TTC39B: variants seen among roughly 807,000 people sequenced by gnomAD.
The protein encoded by TTC39B is tetratricopeptide repeat domain 39B, also known as tetratricopeptide repeat protein 39B.
TTC39B carries 92 observed loss-of-function variants against 96.6 expected under a neutral mutation model. That is an observed-to-expected ratio of 0.95 (90% confidence interval 0.80 to 1.13). The LOEUF is 1.13. Among genes scored for constraint, TTC39B ranks in the 50% most tolerant of loss-of-function variants. TTC39B has a pLI of 0.00. For missense variants in TTC39B, 955 were observed against 809.3 expected (o/e 1.18, Z -2.18); for synonymous variants, 367 against 299.4 (o/e 1.23, Z -2.33).
intron 1 of TTC39B, among the ~76,000 whole-genome samples, chr9:15,279,054 T>C (rs976651355): frequency 1.3e-5 from 2 of 152,208 alleles, no homozygotes; most frequent in Admixed American, 1.3e-4. Context: ...ATAATACCAC[T>C]TAATTTACAG....
intron 1 of TTC39B, among the ~76,000 whole-genome samples, chr9:15,289,185 C>T (rs1824089325): frequency 6.6e-6 from 1 of 152,124 alleles, no homozygotes; most frequent in African/African-American, 2.4e-5. Flanking sequence ...GGACATTTAC[C>T]AGTGTTGGTA....
At chr9:15,254,086 G>A (rs1822662444) in intron 2 of TTC39B, among the ~76,000 whole-genome samples, 1 of 151,530 alleles carries the variant, frequency 6.6e-6, no homozygotes, top group Non-Finnish European at 1.5e-5. Flanking sequence ...CCTTAAAATA[G>A]CTTAATGCTT....
Position 15,169,944 on chromosome 9 carries a change from G to A in TTC39B, c.*2075C>T, listed in dbSNP as rs1817597170. 3 of 152,220 alleles carry A rather than the reference G, an allele frequency of 2.0e-5. No homozygotes were observed. The East Asian group carries it at 5.8e-4, about 29-fold the overall frequency. The allele number at this position is 152,220 out of a possible 1,614,324, so 9.4% of individuals were successfully genotyped here. On this transcript the variant is annotated 3_prime_UTR_variant, in exon 20 of 20. Coordinates refer to ENST00000512701, the Ensembl canonical transcript of TTC39B. ...GCAGCTTCTCACAGTAACAATGTAA[G>A]AATATATGCTCAGTATACCCACAGT...
chr9:15,192,467 T>C lies in TTC39B; in HGVS notation c.930+123A>G, dbSNP rs1818910708. On this transcript the variant is annotated intron_variant, in intron 9 of 19. Coordinates refer to ENST00000512701, the Ensembl canonical transcript of TTC39B. Reference sequence around the variant, plus strand: ...CACAATGCCAGAAAACTGATCCCACTCTAGCTGTTTGTCAACCAACCCAAG... The same window carrying C: ...CACAATGCCAGAAAACTGATCCCACCCTAGCTGTTTGTCAACCAACCCAAG... 5.8e-6 allele frequency: 4 copies of C among 688,004 alleles called. No individual in the cohort carries two copies. The South Asian group carries it at 7.5e-5, about 13-fold the overall frequency. The allele number at this position is 688,004 out of a possible 1,614,324, so 42.6% of individuals were successfully genotyped here.
At chr9:15,177,961 C>G in intron 17 of TTC39B, 147 bp from the exon 18 acceptor site, 1 of 469,026 alleles carries the variant, frequency 2.1e-6, no homozygotes, top group Non-Finnish European at 3.8e-6. Flanking sequence ...GCTCCGTCTC[C>G]CGGGTTCACG....
In TTC39B at chr9:15,192,608, G is replaced by T. The variant is rs374040434; in HGVS notation, c.912C>A (p.Gly304=). ...TCCTTACCAAATTAAAGGCCCCACT[G>T]CCAAGCTTGACACCCCCTTCAAACT... Residue 304 remains glycine, a synonymous_variant, in exon 9 of 20, where the codon GGC becomes GGA. Transcript: ENST00000512701. 2.7e-5 allele frequency: 43 copies of T among 1,613,856 alleles called. No homozygotes were observed. In the African/African-American group the frequency reaches 5.3e-4, roughly 20 times the overall value.
chr9:15,172,014 T>A, exon 20 of TTC39B: 3 of 1,609,306 alleles, frequency 1.9e-6, no homozygotes, highest in Non-Finnish European at 2.6e-6. Flanking sequence ...TCCTTCAAGT[T>A]CTGATCAATC....
rs560507880 is a variant in TTC39B at position 15,278,642 on chromosome 9, A to C, written c.241-10694T>G. 3.3e-3 allele frequency among the ~76,000 whole-genome samples: 505 copies of C among 152,362 alleles called. 2 individuals carry two copies. Among genetic ancestry groups the C allele is most frequent in the African/African-American group, 0.012 (481 of 41,588 alleles). ...CAAGAGACTGACTTTTAATATTTTA[A>C]TGTTTAATTTTAAAACCATCACCAG... is the stretch of plus-strand genomic sequence containing the variant. On this transcript the variant is annotated intron_variant, in intron 1 of 19. Transcript: ENST00000512701.
intron 1 of TTC39B, among the ~76,000 whole-genome samples, chr9:15,274,978 T>C (rs1823485091): frequency 6.6e-6 from 1 of 152,108 alleles, no homozygotes; most frequent in African/African-American, 2.4e-5. Context: ...GGTGTAGGAT[T>C]AATATAGTTC....
intron 5 of TTC39B, among the ~76,000 whole-genome samples, 163 bp from the exon 6 acceptor site, chr9:15,210,327 C>T (rs896167980): frequency 5.3e-5 from 8 of 152,236 alleles, no homozygotes; most frequent in African/African-American, 1.4e-4. Context: ...TTTTCCAACA[C>T]TCTACATGCA....
At chr9:15,275,764 G>A (rs555292214) in intron 1 of TTC39B, among the ~76,000 whole-genome samples, 1 of 152,136 alleles carries the variant, frequency 6.6e-6, no homozygotes, top group Non-Finnish European at 1.5e-5. Flanking sequence ...GTCTACAGTT[G>A]AGAGAACAAT....
intron 6 of TTC39B, among the ~76,000 whole-genome samples, chr9:15,208,319 G>A (rs567462365): frequency 6.6e-6 from 1 of 151,716 alleles, no homozygotes; most frequent in South Asian, 2.1e-4. Context: ...CACCACACCC[G>A]GCCAAATTAT....
At chr9:15,202,526 A>C (rs1819600731) in intron 7 of TTC39B, among the ~76,000 whole-genome samples, 1 of 152,142 alleles carries the variant, frequency 6.6e-6, no homozygotes, top group African/African-American at 2.4e-5. Context: ...AGCCTGACCA[A>C]TATGGTGAAA....
intron 3 of TTC39B, among the ~76,000 whole-genome samples, chr9:15,222,544 G>T (rs1190494288): frequency 6.6e-6 from 1 of 152,134 alleles, no homozygotes; most frequent in Admixed American, 6.5e-5. Flanking sequence ...TAACCTTCAT[G>T]ATTGAGCCAT....
chr9:15,245,119 T>C (rs1822218056), intron 2 of TTC39B, among the ~76,000 whole-genome samples: 1 of 152,196 alleles, frequency 6.6e-6, no homozygotes, highest in East Asian at 1.9e-4. Flanking sequence ...AATCCAGAGA[T>C]GTTCAATGAC....
chr9:15,293,494 G>C (rs1234544081), intron 1 of TTC39B, among the ~76,000 whole-genome samples: 6 of 152,138 alleles, frequency 3.9e-5, no homozygotes, highest in Admixed American at 1.3e-4. Context: ...CATGAGAAAA[G>C]AAACCACAAG....
At chr9:15,172,443 T>C (rs113946575) in intron 19 of TTC39B, among the ~76,000 whole-genome samples, 2 of 152,272 alleles carry the variant, frequency 1.3e-5, no homozygotes, top group African/African-American at 4.8e-5. Flanking sequence ...TTAGACTTCC[T>C]TTTTTAAATT....
chr9:15,166,086 A>G (rs1050512641), exon 20 of TTC39B: 4 of 152,224 alleles, frequency 2.6e-5, no homozygotes, highest in African/African-American at 9.6e-5. Context: ...TCACTGGGAT[A>G]TGCCAGCACC....
intron 2 of TTC39B, among the ~76,000 whole-genome samples, chr9:15,233,871 G>A (rs979016677): frequency 2.0e-5 from 3 of 151,618 alleles, no homozygotes; most frequent in African/African-American, 7.3e-5. Flanking sequence ...GGAAAGTGAG[G>A]AGCGTCTCTG....
Sources: allele counts gnomAD v4.1 joint callset (sites outside exome capture counted in the v4.1 genomes callset), GRCh38; gene constraint gnomAD v4.1.1; transcripts MANE v1.5; gene names NCBI Gene and HGNC (gene_info 2026-07-23, HGNC 2026-07-21).